The following LRBA variants were observed in gnomAD, a reference collection of about 807,000 sequenced individuals.
LRBA encodes LPS responsive beige-like anchor protein.
Under a neutral mutation model 330.0 loss-of-function variants are expected in LRBA, and 176 were observed. The observed-to-expected ratio is 0.53, with a 90% CI of 0.47 to 0.60. LRBA has a LOEUF of 0.60. LRBA is among the 20% of genes least tolerant of loss of function. The pLI is 0.00. For missense variants in LRBA, 3,259 were observed against 3,444.8 expected (o/e 0.95, Z 1.35); for synonymous variants, 1,230 against 1,193.0 (o/e 1.03, Z -0.64).
intron 47 of LRBA, among the ~76,000 whole-genome samples, chr4:150,408,769 A>T (rs1484685925): frequency 6.6e-6 from 1 of 152,134 alleles, no homozygotes; most frequent in East Asian, 1.9e-4. Flanking sequence ...TTTATATAAT[A>T]TATCATATTT....
chr4:150,287,560 C>G (rs1231028066), intron 53 of LRBA, among the ~76,000 whole-genome samples: 1 of 152,176 alleles, frequency 6.6e-6, no homozygotes, highest in Non-Finnish European at 1.5e-5. Flanking sequence ...AATGCATGTA[C>G]CAGAGTACAT....
intron 47 of LRBA, among the ~76,000 whole-genome samples, chr4:150,351,606 A>G (rs545947206): frequency 6.7e-4 from 102 of 152,056 alleles, no homozygotes; most frequent in Non-Finnish European, 1.1e-3. Context: ...GGAGAATGGC[A>G]TGAACCCAGG....
intron 34 of LRBA, among the ~76,000 whole-genome samples, chr4:150,774,280 C>G (rs910707827): frequency 1.3e-5 from 2 of 152,156 alleles, no homozygotes; most frequent in African/African-American, 4.8e-5. Context: ...CTTGCAGTCA[C>G]TTGTGATAAG....
chr4:150,598,416 G>A (rs138424016), intron 38 of LRBA, among the ~76,000 whole-genome samples: 1 of 152,070 alleles, frequency 6.6e-6, no homozygotes, highest in East Asian at 1.9e-4. Flanking sequence ...TATCAAAAAA[G>A]CAAAAATGTT....
intron 22 of LRBA, among the ~76,000 whole-genome samples, chr4:150,853,626 C>T (rs958359190): frequency 1.1e-4 from 16 of 152,076 alleles, no homozygotes; most frequent in Non-Finnish European, 2.9e-5. Flanking sequence ...CGTGAACATT[C>T]CTATATCATG....
intron 40 of LRBA, among the ~76,000 whole-genome samples, chr4:150,575,458 T>TCA (rs1198931584): frequency 1.3e-5 from 2 of 151,920 alleles, no homozygotes; most frequent in Non-Finnish European, 2.9e-5. Flanking sequence ...TTACTACTAT[T>TCA]CATAATAATA....
At chr4:150,270,480 G>A (rs1201106006) in intron 56 of LRBA, among the ~76,000 whole-genome samples, 1 of 152,202 alleles carries the variant, frequency 6.6e-6, no homozygotes, top group African/African-American at 2.4e-5. Flanking sequence ...AAGGTGCTTA[G>A]AAGAGGCAAA....
chr4:150,576,163 T>TA (rs776085076), intron 40 of LRBA, among the ~76,000 whole-genome samples: 3,290 of 58,336 alleles, frequency 0.056, 43 homozygotes, highest in African/African-American at 0.065. Flanking sequence ...AAACTGGTTT[T>TA]TAAAAAAAAA....
Position 150,487,782 on chromosome 4 carries a change from G to T in LRBA, c.6501C>A (p.Asn2167Lys). The T allele has an allele frequency of 6.3e-7, 1 of 1,598,438 alleles. No homozygotes were observed. Among genetic ancestry groups the T allele is most frequent in the African/African-American group, 1.3e-5 (1 of 74,768 alleles). ...PDPATVKKVV[N>K]YLPRVGVGTS... The stretch of plus-strand genomic sequence containing the variant: ...TTCCAACGCCAACACGAGGTAGATA[G>T]TTAACCACTTTCTTTACTGTTGCAG... The change falls in exon 42 of 57, where the codon AAC becomes AAA. Residue 2167 changes from asparagine (N) to lysine (K), a missense_variant. Transcript: ENST00000651943.
intron 36 of LRBA, among the ~76,000 whole-genome samples, chr4:150,722,503 T>C (rs1729071110): frequency 1.3e-5 from 2 of 151,946 alleles, no homozygotes; most frequent in East Asian, 1.9e-4. Flanking sequence ...TTAGACAATA[T>C]GAAAATTAAA....
At chr4:150,357,739 C>G (rs1738079430) in intron 47 of LRBA, among the ~76,000 whole-genome samples, 1 of 150,808 alleles carries the variant, frequency 6.6e-6, no homozygotes. Flanking sequence ...TTGCATTTTG[C>G]AAGCCTTTGC....
At chr4:151,015,694 G>A (rs191301429), upstream of LRBA, 30 of 152,138 alleles carry the variant, frequency 2.0e-4, no homozygotes, top group African/African-American at 7.0e-4. Flanking sequence ...GCCCACTGAA[G>A]CTGCTCCCGG....
chr4:150,983,346 T>C (rs10007479), intron 2 of LRBA, among the ~76,000 whole-genome samples: 9,744 of 151,876 alleles, frequency 0.064, 473 homozygotes, highest in East Asian at 0.19. Context: ...TCCCAGTTAC[T>C]GAGGAAGTTG....
At chr4:150,514,113 C>T (rs78266281) in intron 40 of LRBA, among the ~76,000 whole-genome samples, 1 of 152,282 alleles carries the variant, frequency 6.6e-6, no homozygotes. Flanking sequence ...ACTCTTGTCA[C>T]CCAGGCTGGA....
At position 150,366,859 on chromosome 4, in the gene LRBA, G is replaced by A. The variant is rs184741380; in HGVS notation, c.7195-16700C>T. Among the ~76,000 whole-genome samples the A allele has an allele frequency of 1.8e-3, 268 of 152,212 alleles. 3 individuals carry two copies. Among genetic ancestry groups the A allele is most frequent in the African/African-American group, 6.2e-3 (256 of 41,524 alleles). On this transcript the variant is annotated intron_variant, in intron 47 of 56. Transcript: ENST00000651943. ...GGAAGCTTTCCCTTTCTCTTGTGTG[G>A]GTGTTCAGTTAGAACTCAACTCTTT...
At chr4:150,581,968 GAGTT>G (rs914377070) in intron 40 of LRBA, 13 of 146,866 alleles carry the variant, frequency 8.9e-5, no homozygotes, top group Non-Finnish European at 1.8e-4. Flanking sequence ...GAGACAGAGA[GAGTT>G]AGAGGAAAGA....
intron 42 of LRBA, among the ~76,000 whole-genome samples, chr4:150,472,974 T>C (rs1756320632): frequency 6.6e-6 from 1 of 152,274 alleles, no homozygotes; most frequent in South Asian, 2.1e-4. Flanking sequence ...AAAATATGTT[T>C]TGATTTCTTT....
chr4:150,768,366 G>C (rs1314797606), intron 34 of LRBA, among the ~76,000 whole-genome samples: 1 of 152,124 alleles, frequency 6.6e-6, no homozygotes, highest in Non-Finnish European at 1.5e-5. Context: ...AGGTGGCTGA[G>C]GGAAAGAGAT....
chr4:150,522,521 T>C (rs1763026440), intron 40 of LRBA, among the ~76,000 whole-genome samples: 1 of 152,108 alleles, frequency 6.6e-6, no homozygotes, highest in Non-Finnish European at 1.5e-5. Flanking sequence ...ATGCCCAGAG[T>C]GCCAGGGCCT....
Sources: gnomAD v4.1 joint callset for allele counts (sites outside exome capture counted in the v4.1 genomes callset) on GRCh38, gnomAD v4.1.1 for gene constraint, MANE v1.5 for transcripts, NCBI Gene and HGNC (gene_info 2026-07-23, HGNC 2026-07-21) for gene names.